The following ZNF804B variants were observed in gnomAD, a reference collection of about 807,000 sequenced individuals.
ZNF804B encodes zinc finger protein 804B.
In ZNF804B, 80 loss-of-function variants were observed where a neutral mutation model predicts 101.4. The ratio of observed to expected loss-of-function variants is 0.79; its 90% CI spans 0.66 to 0.95. The LOEUF (loss-of-function observed/expected upper bound fraction) is 0.95, where lower values mean the gene tolerates loss of function less well. ZNF804B is among the 40% of genes least tolerant of loss of function. The pLI is 0.00. For synonymous variants in ZNF804B, 622 were observed against 558.8 expected, an observed-to-expected ratio of 1.11 and a Z score of -1.59; for missense variants, 1,673 against 1,561.9, an observed-to-expected ratio of 1.07 and a Z score of -1.20.
chr7:88,976,904 T>G (rs10225850), intron 1 of ZNF804B, among the ~76,000 whole-genome samples: 51,934 of 151,430 alleles, frequency 0.34, 10,303 homozygotes, highest in African/African-American at 0.55. Context: ...GTGTGGTATG[T>G]TCTTTCTATA....
At chr7:88,849,337 T>G (rs1042471730) in intron 1 of ZNF804B, among the ~76,000 whole-genome samples, 1 of 151,956 alleles carries the variant, frequency 6.6e-6, no homozygotes, top group African/African-American at 2.4e-5. Context: ...CTTATCTATT[T>G]AAAATAAAAT....
At chr7:89,294,173 G>A (rs1305580782) in intron 2 of ZNF804B, among the ~76,000 whole-genome samples, 1 of 152,142 alleles carries the variant, frequency 6.6e-6, no homozygotes, top group Admixed American at 6.5e-5. Context: ...AGATCTTCTA[G>A]CCTTTTCTTA....
chr7:89,298,566 CTT>C (rs1357197787), intron 2 of ZNF804B, among the ~76,000 whole-genome samples: 1 of 151,504 alleles, frequency 6.6e-6, no homozygotes, highest in African/African-American at 2.4e-5. Context: ...ACATCTGTGT[CTT>C]TGCATGTATC....
intron 2 of ZNF804B, among the ~76,000 whole-genome samples, chr7:89,324,184 G>T (rs910291795): frequency 1.3e-5 from 2 of 150,976 alleles, no homozygotes; most frequent in African/African-American, 2.5e-5. Context: ...ATAGCAAGAC[G>T]TTGAAATATT....
intron 1 of ZNF804B, among the ~76,000 whole-genome samples, chr7:89,172,739 TAA>T (rs2116436845): frequency 6.6e-6 from 1 of 152,294 alleles, no homozygotes; most frequent in East Asian, 1.9e-4. Flanking sequence ...ATTTGAAATT[TAA>T]ATCATTTGAA....
rs868245654 is a variant in ZNF804B, at chr7:88,759,906, G to C, written c.-71G>C. The C allele has an allele frequency of 2.8e-6, 4 of 1,405,476 alleles. No homozygotes were observed. In the African/African-American group the frequency reaches 4.2e-5, roughly 15 times the overall value. The allele number at this position is 1,405,476 out of a possible 1,614,324, so 87.1% of individuals were successfully genotyped here. ...AGGTGGTAGTCGCTGTTGCCGCTGA[G>C]AAACCCGCCCGCTTTCCACGGCTGG... is the stretch of plus-strand genomic sequence containing the variant. On this transcript the variant is annotated 5_prime_UTR_variant, in exon 1 of 4. Coordinates refer to ENST00000333190, the MANE Select transcript of ZNF804B (RefSeq NM_181646.5).
At chr7:89,148,958 T>C (rs1790830254) in intron 1 of ZNF804B, among the ~76,000 whole-genome samples, 1 of 152,106 alleles carries the variant, frequency 6.6e-6, no homozygotes, top group African/African-American at 2.4e-5. Flanking sequence ...ATGAGAATTA[T>C]GAGGCTCTTT....
At chr7:89,270,143 C>T (rs1017690358) in intron 2 of ZNF804B, among the ~76,000 whole-genome samples, 3 of 152,116 alleles carry the variant, frequency 2.0e-5, no homozygotes, top group African/African-American at 7.2e-5. Flanking sequence ...CTTGCCCATG[C>T]CTATGTCCTG....
chr7:88,884,649 A>T (rs1210432455), intron 1 of ZNF804B, among the ~76,000 whole-genome samples: 2 of 151,926 alleles, frequency 1.3e-5, no homozygotes, highest in Admixed American at 6.6e-5. Flanking sequence ...ATTGCCTATT[A>T]TATGACAGAT....
chr7:88,847,518 G>A (rs956277376), intron 1 of ZNF804B, among the ~76,000 whole-genome samples: 3 of 152,036 alleles, frequency 2.0e-5, no homozygotes, highest in Admixed American at 1.3e-4. Flanking sequence ...TTGGAATAAT[G>A]TCTACACAGG....
intron 1 of ZNF804B, among the ~76,000 whole-genome samples, chr7:88,838,934 A>G (rs1048710045): frequency 6.6e-6 from 1 of 152,068 alleles, no homozygotes; most frequent in African/African-American, 2.4e-5. Flanking sequence ...TCTTTTAAGT[A>G]GAATGATAAC....
chr7:88,988,172 A>G (rs1378134029), intron 1 of ZNF804B, among the ~76,000 whole-genome samples: 1 of 152,048 alleles, frequency 6.6e-6, no homozygotes, highest in Non-Finnish European at 1.5e-5. Flanking sequence ...TTTGTAGCCT[A>G]ATGAGTAAGA....
chr7:88,936,367 TAGAC>T (rs1792970479), intron 1 of ZNF804B, among the ~76,000 whole-genome samples: 1 of 151,994 alleles, frequency 6.6e-6, no homozygotes, highest in Non-Finnish European at 1.5e-5. Context: ...AAACTGACAA[TAGAC>T]AGATGATCAA....
At chr7:89,187,672 A>G (rs1221660975) in intron 1 of ZNF804B, among the ~76,000 whole-genome samples, 1 of 152,138 alleles carries the variant, frequency 6.6e-6, no homozygotes, top group East Asian at 1.9e-4. Context: ...ATCATTGTGG[A>G]AACTAGTGAG....
intron 1 of ZNF804B, among the ~76,000 whole-genome samples, chr7:89,051,707 T>A (rs1384410587): frequency 2.6e-5 from 4 of 152,184 alleles, no homozygotes; most frequent in Non-Finnish European, 4.4e-5. Context: ...TTATTTCATC[T>A]TATAAATTTA....
intron 2 of ZNF804B, among the ~76,000 whole-genome samples, chr7:89,318,667 G>A (rs1324058453): frequency 6.6e-6 from 1 of 152,182 alleles, no homozygotes; most frequent in Non-Finnish European, 1.5e-5. Flanking sequence ...GGAGACTGAG[G>A]CAGGAGAATT....
chr7:88,951,905 G>T (rs1029437519), intron 1 of ZNF804B, among the ~76,000 whole-genome samples: 1 of 151,778 alleles, frequency 6.6e-6, no homozygotes, highest in African/African-American at 2.4e-5. Flanking sequence ...TAAAAAAATT[G>T]ATTTCATATC....
At chr7:89,173,706 C>G (rs547914310) in intron 1 of ZNF804B, among the ~76,000 whole-genome samples, 45 of 151,948 alleles carry the variant, frequency 3.0e-4, no homozygotes, top group Non-Finnish European at 5.6e-4. Flanking sequence ...CACCTGTTAT[C>G]TGTCTTCTGT....
intron 1 of ZNF804B, among the ~76,000 whole-genome samples, chr7:89,017,138 G>T (rs970388293): frequency 2.0e-5 from 3 of 152,244 alleles, no homozygotes; most frequent in Admixed American, 1.3e-4. Context: ...CTCTCTGTTT[G>T]TCTGCTATTG....
Sources: gnomAD v4.1 joint callset for allele counts (sites outside exome capture counted in the v4.1 genomes callset) on GRCh38, gnomAD v4.1.1 for gene constraint, MANE v1.5 for transcripts, NCBI Gene and HGNC (gene_info 2026-07-23, HGNC 2026-07-21) for gene names.